Variants in SELENOW observed in about 807,000 individuals in gnomAD.
SELENOW encodes the protein selenoprotein W, 1.
Under a neutral mutation model 16.6 loss-of-function variants are expected in SELENOW, and 20 were observed. The observed-to-expected ratio is 1.21, with a 90% confidence interval of 0.85 to 1.76. The LOEUF (loss-of-function observed/expected upper bound fraction) is 1.76, where lower values mean the gene tolerates loss of function less well. Ranked by LOEUF, SELENOW falls within the 40% of genes most tolerant of loss-of-function variation. SELENOW has a pLI of 0.00. For synonymous variants in SELENOW, 44 were observed against 46.2 expected (o/e 0.95, Z 0.19); for missense variants, 124 against 111.0 (o/e 1.12, Z -0.53).
chr19:47,780,815 G>C lies in SELENOW; in HGVS notation c.55-49G>C, dbSNP rs780284579. On this transcript the variant is annotated intron_variant, in intron 2 of 5. Coordinates refer to ENST00000601048, the MANE Select transcript of SELENOW (RefSeq NM_003009.4). ...GGGAGGGGTAGAGTGCATATTGGGA[G>C]GGGGCTGACTGGTATGACCCCTGCT... 6.2e-6 allele frequency: 10 copies of C among 1,604,728 alleles called. 1 individual carries two copies. The South Asian group carries it at 1.0e-4, about 16-fold the overall frequency.
intron 4 of SELENOW, 35 bp downstream of exon 4, chr19:47,781,217 G>T (rs1288151814): frequency 1.2e-5 from 19 of 1,607,924 alleles, no homozygotes; most frequent in Non-Finnish European, 1.4e-5. Flanking sequence ...TGGTTTTGGG[G>T]CTAGCATGGG....
At chr19:47,778,909 G>T in intron 1 of SELENOW, 95 bp downstream of exon 1, 1 of 1,329,252 alleles carries the variant, frequency 7.5e-7, no homozygotes, top group Non-Finnish European at 1.0e-6. Context: ...GGACCCATGG[G>T]AGCCCTTGTA....
chr19:47,783,169 G>A (rs1173703367), intron 5 of SELENOW: 2 of 151,948 alleles, frequency 1.3e-5, no homozygotes, highest in African/African-American at 4.8e-5. Context: ...CTCGTGAGTA[G>A]CTGGAATTAC....
chr19:47,780,469 G>T (rs1967460237), intron 1 of SELENOW: 2 of 558,634 alleles, frequency 3.6e-6, no homozygotes, highest in Non-Finnish European at 6.4e-6. Context: ...CTCTTGCTTG[G>T]TGTTGGTTTT....
At chr19:47,781,203 T>C in intron 4 of SELENOW, 21 bp downstream of exon 4, 1 of 1,612,474 alleles carries the variant, frequency 6.2e-7, no homozygotes, top group South Asian at 1.1e-5. Context: ...CTGTCCGTCC[T>C]GCCTGGTTTT....
intron 1 of SELENOW, 49 bp downstream of exon 1, chr19:47,778,863 G>A (rs758110583): frequency 6.5e-6 from 10 of 1,537,964 alleles, no homozygotes; most frequent in South Asian, 1.2e-5. Context: ...GCCGGGACCC[G>A]ATTCTCGGAG....
chr19:47,783,527 T>G (rs930718640), intron 5 of SELENOW: 12 of 152,184 alleles, frequency 7.9e-5, no homozygotes, highest in Admixed American at 3.3e-4. Flanking sequence ...CCTCTAACCT[T>G]CAGCACCAGT....
At position 47,783,902 on chromosome 19, in the gene SELENOW, C is replaced by CT. The variant is rs960529678; in HGVS notation, c.*19-376dup. The stretch of plus-strand genomic sequence containing the variant: ...GGTGCCACCATGCAGGCTTTGAATT[C>CT]TTTTTTTTTTTTGAGACAGAGTCTC... On this transcript the variant is annotated intron_variant, in intron 5 of 5. Transcript: ENST00000601048. 2.0e-3 allele frequency: 292 copies of CT among 145,208 alleles called. 1 individual carries two copies. Among genetic ancestry groups the CT allele is most frequent in the African/African-American group, 4.9e-3 (193 of 39,742 alleles). 9.0% of individuals were successfully genotyped at this position (145,208 alleles called of 1,614,324 possible).
chr19:47,779,081 A>T, intron 1 of SELENOW: 1 of 484,352 alleles, frequency 2.1e-6, no homozygotes, highest in Non-Finnish European at 3.7e-6. Flanking sequence ...CGAACCCCCG[A>T]CTCCGGGGCT....
intron 5 of SELENOW, chr19:47,782,952 G>A (rs1967492763): frequency 6.6e-6 from 1 of 152,246 alleles, no homozygotes; most frequent in African/African-American, 2.4e-5. Flanking sequence ...CAGTTTGTAA[G>A]CCAGTATGGT....
chr19:47,779,702 G>C (rs1048062468), intron 1 of SELENOW: 2 of 153,930 alleles, frequency 1.3e-5, no homozygotes, highest in Admixed American at 6.5e-5. Flanking sequence ...GCAGCTGCTT[G>C]GGAGGCTGAG....
Position 47,780,751 on chromosome 19 carries a change from T to G in SELENOW, c.54+2T>G, listed in dbSNP as rs765965115. Reference sequence around the variant, plus strand: ...GGCGCTTGAGGCTACAAGTCCAAGGTAAGCAGAGTGGATGCCCGGGGGGCA... The same window carrying G: ...GGCGCTTGAGGCTACAAGTCCAAGGGAAGCAGAGTGGATGCCCGGGGGGCA... On this transcript the variant is annotated splice_donor_variant, in intron 2 of 5. Coordinates refer to ENST00000601048, the MANE Select transcript of SELENOW (RefSeq NM_003009.4). LOFTEE classifies it high-confidence loss of function. 3.6e-5 allele frequency: 56 copies of G among 1,561,686 alleles called. No individual in the cohort carries two copies. The highest frequency in any genetic ancestry group is 8.7e-6 in the Non-Finnish European group (10 of 1,153,588).
At chr19:47,780,451 TTCTC>T (rs1707310272) in intron 1 of SELENOW, 1 of 523,134 alleles carries the variant, frequency 1.9e-6, no homozygotes, top group Admixed American at 3.2e-5. Context: ...CCCCTCCCCC[TTCTC>T]TGTCTCTTGC....
At chr19:47,780,399 C>G in intron 1 of SELENOW, 1 of 453,550 alleles carries the variant, frequency 2.2e-6, no homozygotes, top group East Asian at 4.3e-5. Context: ...CCGTCCCCGT[C>G]TCTCGTATTT....
At chr19:47,781,212 T>A in intron 4 of SELENOW, 30 bp downstream of exon 4, 1 of 1,610,842 alleles carries the variant, frequency 6.2e-7, no homozygotes, top group Non-Finnish European at 8.5e-7. Flanking sequence ...CTGCCTGGTT[T>A]TGGGGCTAGC....
Position 47,780,713 on chromosome 19 carries a change from C to A in SELENOW, c.30-12C>A. On this transcript the variant is annotated splice_polypyrimidine_tract_variant and intron_variant, in intron 1 of 5. Transcript: ENST00000601048. Reference sequence around the variant, plus strand: ...CTCCCCTGGGCCCCAATGTCTTGGACTCTCCTACCAGTGGCGCTTGAGGCT... The same window carrying A: ...CTCCCCTGGGCCCCAATGTCTTGGAATCTCCTACCAGTGGCGCTTGAGGCT... 6.4e-7 allele frequency: 1 copy of A among 1,556,692 alleles called. No homozygotes were observed. Among genetic ancestry groups the A allele is most frequent in the Non-Finnish European group, 8.7e-7 (1 of 1,149,624 alleles).
At chr19:47,781,481 A>AT in intron 5 of SELENOW, 93 bp downstream of exon 5, 1 of 730,848 alleles carries the variant, frequency 1.4e-6, no homozygotes, top group Admixed American at 2.2e-5. Context: ...AGCCTGGGAG[A>AT]TGGGGGGGAC....
intron 1 of SELENOW, chr19:47,780,451 T>G: frequency 1.9e-6 from 1 of 523,252 alleles, no homozygotes; most frequent in African/African-American, 1.9e-5. Context: ...CCCCTCCCCC[T>G]TCTCTGTCTC....
chr19:47,780,039 A>G, intron 1 of SELENOW: 1 of 420,564 alleles, frequency 2.4e-6, no homozygotes, highest in Non-Finnish European at 4.9e-6. Flanking sequence ...ACCAGATTCC[A>G]GTCCCGAAAT....
Sources: allele counts gnomAD v4.1 joint callset, GRCh38; gene constraint gnomAD v4.1.1; transcripts MANE v1.5; gene names NCBI Gene and HGNC (gene_info 2026-07-23, HGNC 2026-07-21).